The following PGGT1B variants were observed in gnomAD, a reference collection of about 807,000 sequenced individuals.
PGGT1B encodes geranylgeranyl transferase type-1 subunit beta.
A neutral mutation model predicts 46.1 loss-of-function variants in PGGT1B; 30 were observed. That is an observed-to-expected ratio of 0.65 (90% CI 0.49 to 0.88). The LOEUF is 0.88. PGGT1B is among the 40% of genes least tolerant of loss of function. The pLI is 0.00. For missense variants in PGGT1B, 376 were observed against 455.9 expected (o/e 0.82, Z 1.60); for synonymous variants, 170 against 160.0 (o/e 1.06, Z -0.47).
chr5:115,252,975 T>A, intron 2 of PGGT1B, 162 bp downstream of exon 2: 1 of 602,440 alleles, frequency 1.7e-6, no homozygotes, highest in Non-Finnish European at 2.8e-6. Context: ...TCAGATTTGT[T>A]AAGTACTGTA....
intron 6 of PGGT1B, among the ~76,000 whole-genome samples, chr5:115,226,645 T>A (rs1470174399): frequency 6.6e-6 from 1 of 152,034 alleles, no homozygotes; most frequent in African/African-American, 2.4e-5. Flanking sequence ...AATTCAACTT[T>A]CCAAGCAAGA....
rs1331528068 is a variant in PGGT1B at position 115,210,401 on chromosome 5, C to T, written c.*2001G>A. ...TATTTAGAAAAGTTAGAAATAGTTT[C>T]TCCACAATTCACACTGGGCTGCTAT... On this transcript the variant is annotated 3_prime_UTR_variant, in exon 9 of 9. Coordinates refer to ENST00000419445, the MANE Select transcript of PGGT1B (RefSeq NM_005023.4). The T allele has an allele frequency of 2.0e-5, 3 of 152,110 alleles. No individual in the cohort carries two copies. Among genetic ancestry groups the T allele is most frequent in the African/African-American group, 7.2e-5 (3 of 41,442 alleles). 9.4% of individuals were successfully genotyped at this position (152,110 alleles called of 1,614,324 possible).
chr5:115,237,900 G>A lies in PGGT1B; in HGVS notation c.437C>T (p.Ala146Val). The change falls in exon 4 of 9, where the codon GCT (alanine) becomes GTT (valine). Residue 146 changes from alanine to valine, a missense_variant. This residue lies in a region of PGGT1B where 222 missense variants were observed against 313.6 expected (regional missense o/e 0.71). Coordinates refer to ENST00000419445, the MANE Select transcript of PGGT1B (RefSeq NM_005023.4). ...GDDLSRVNKE[A>V]CLAGLRALQL... is the part of the protein sequence containing the mutation. ...AAGGGCTCTCAAGCCCGCTAAGCAA[G>A]CTTCTTTATTTACTCGGCTTAAGTC... The A allele has an allele frequency of 6.2e-7, 1 of 1,611,878 alleles. No individual in the cohort carries two copies. The highest frequency in any genetic ancestry group is 8.5e-7 in the Non-Finnish European group (1 of 1,179,728).
intron 1 of PGGT1B, among the ~76,000 whole-genome samples, chr5:115,256,649 G>A (rs1195418869): frequency 6.6e-6 from 1 of 152,128 alleles, no homozygotes; most frequent in Non-Finnish European, 1.5e-5. Flanking sequence ...AAAATAGTCT[G>A]GGAAACCATT....
At chr5:115,224,055 T>C (rs571086382) in intron 6 of PGGT1B, among the ~76,000 whole-genome samples, 1 of 152,316 alleles carries the variant, frequency 6.6e-6, no homozygotes, top group East Asian at 1.9e-4. Context: ...TTAAGAACTA[T>C]TTAATCTTCA....
chr5:115,225,715 G>A (rs942997248), intron 6 of PGGT1B, among the ~76,000 whole-genome samples: 2 of 148,856 alleles, frequency 1.3e-5, no homozygotes, highest in South Asian at 2.1e-4. Context: ...GTGTGATCTC[G>A]GCTCACTGCA....
chr5:115,223,896 G>A (rs1300812363), intron 6 of PGGT1B, among the ~76,000 whole-genome samples: 3 of 152,048 alleles, frequency 2.0e-5, no homozygotes, highest in Non-Finnish European at 4.4e-5. Flanking sequence ...ATTAATTTCA[G>A]CAATTTAAAT....
Position 115,205,242 on chromosome 5 carries a change from T to TTTC in PGGT1B, c.*7159_*7160insGAA, listed in dbSNP as rs1290833551. 1 of 152,168 alleles carries TTTC rather than the reference T, an allele frequency of 6.6e-6. No individual in the cohort carries two copies. The highest frequency in any genetic ancestry group is 1.5e-5 in the Non-Finnish European group (1 of 68,028). 9.4% of individuals were successfully genotyped at this position (152,168 alleles called of 1,614,324 possible). A position where few individuals can be genotyped will look rare whatever the true frequency, so the allele number is the denominator to read the frequency against. ...ATGTCTTTCATGATCCCACCTATAC[T>TTTC]TTAAGAAAACTTTTTGACTCACAAG... is the stretch of plus-strand genomic sequence containing the variant. On this transcript the variant is annotated 3_prime_UTR_variant, in exon 9 of 9. Coordinates refer to ENST00000419445, the MANE Select transcript of PGGT1B (RefSeq NM_005023.4).
At chr5:115,243,598 T>C (rs1757416709) in intron 2 of PGGT1B, among the ~76,000 whole-genome samples, 1 of 152,226 alleles carries the variant, frequency 6.6e-6, no homozygotes. Context: ...CCATAACATA[T>C]TACCACAAAC....
chr5:115,211,357 C>T lies in PGGT1B; in HGVS notation c.*1045G>A, dbSNP rs1756215835. On this transcript the variant is annotated 3_prime_UTR_variant, in exon 9 of 9. Transcript: ENST00000419445. ...TCTAAATGGTCGCATTTCCCTTTCA[C>T]TTACCTGAAAATATGAGAATAAAAA... is the stretch of plus-strand genomic sequence containing the variant. The T allele has an allele frequency of 2.6e-5, 4 of 151,872 alleles. 1 individual carries two copies. In the South Asian group the frequency reaches 8.3e-4, roughly 31 times the overall value. 9.4% of individuals were successfully genotyped at this position (151,872 alleles called of 1,614,324 possible). A position where few individuals can be genotyped will look rare whatever the true frequency, so the allele number is the denominator to read the frequency against.
intron 2 of PGGT1B, among the ~76,000 whole-genome samples, chr5:115,250,104 CTACA>C (rs1355220791): frequency 3.9e-5 from 6 of 152,100 alleles, no homozygotes; most frequent in Non-Finnish European, 7.4e-5. Flanking sequence ...TTATCTTTTA[CTACA>C]TAAAGTATTT....
intron 1 of PGGT1B, among the ~76,000 whole-genome samples, chr5:115,258,859 A>G (rs1416400661): frequency 1.3e-5 from 2 of 152,224 alleles, no homozygotes; most frequent in Non-Finnish European, 2.9e-5. Context: ...CACACTCAGC[A>G]TCACACTCCT....
intron 1 of PGGT1B, among the ~76,000 whole-genome samples, chr5:115,261,254 C>A (rs1248964285): frequency 1.3e-5 from 2 of 152,206 alleles, no homozygotes; most frequent in Non-Finnish European, 2.9e-5. Flanking sequence ...ATAGGCTCTG[C>A]TAATCGATCA....
chr5:115,242,853 G>A (rs368309783), intron 2 of PGGT1B, among the ~76,000 whole-genome samples: 1 of 152,212 alleles, frequency 6.6e-6, no homozygotes, highest in South Asian at 2.1e-4. Flanking sequence ...TGTAATCCCA[G>A]CTACTGGGGA....
At chr5:115,225,547 G>C (rs900688682) in intron 6 of PGGT1B, among the ~76,000 whole-genome samples, 2 of 151,916 alleles carry the variant, frequency 1.3e-5, no homozygotes, top group African/African-American at 4.8e-5. Context: ...TGAAATTTAA[G>C]GTAGTCAAAA....
chr5:115,250,388 A>G (rs1748039660), intron 2 of PGGT1B, among the ~76,000 whole-genome samples: 1 of 152,228 alleles, frequency 6.6e-6, no homozygotes, highest in Non-Finnish European at 1.5e-5. Flanking sequence ...AGGTGATTTA[A>G]TAGTCTAACA....
intron 2 of PGGT1B, among the ~76,000 whole-genome samples, chr5:115,247,286 T>C (rs1747892382): frequency 6.6e-6 from 1 of 152,118 alleles, no homozygotes; most frequent in African/African-American, 2.4e-5. Context: ...TTGCTTTTCA[T>C]AAAAAGCAAT....
intron 6 of PGGT1B, among the ~76,000 whole-genome samples, chr5:115,228,339 A>C (rs1049898363): frequency 2.0e-5 from 3 of 152,202 alleles, no homozygotes; most frequent in Admixed American, 2.0e-4. Flanking sequence ...TAACATAGGC[A>C]AAAAACTCTG....
At position 115,205,014 on chromosome 5, in the gene PGGT1B, G is replaced by A. The variant is rs536961490; in HGVS notation, c.*7388C>T. 1 of 152,230 alleles carries A rather than the reference G, an allele frequency of 6.6e-6. No homozygotes were observed. Among genetic ancestry groups the A allele is most frequent in the South Asian group, 2.1e-4 (1 of 4,826 alleles). 9.4% of individuals were successfully genotyped at this position (152,230 alleles called of 1,614,324 possible). The stretch of plus-strand genomic sequence containing the variant: ...ATTGCTGAAACTTAAATGACAAGAT[G>A]AAAATCCATTAACAGGCTAGCATAC... On this transcript the variant is annotated 3_prime_UTR_variant, in exon 9 of 9. Coordinates refer to ENST00000419445, the MANE Select transcript of PGGT1B (RefSeq NM_005023.4).
Sources: gnomAD v4.1 joint callset for allele counts (sites outside exome capture counted in the v4.1 genomes callset) on GRCh38, gnomAD v4.1.1 for gene constraint, gnomAD v4.1.1 regional missense constraint, MANE v1.5 for transcripts, NCBI Gene and HGNC (gene_info 2026-07-23, HGNC 2026-07-21) for gene names.